AIFM3: variants seen among roughly 807,000 people sequenced by gnomAD.
The protein encoded by AIFM3 is AIF family member 3.
Under a neutral mutation model 82.7 loss-of-function variants are expected in AIFM3, and 71 were observed. The observed-to-expected ratio is 0.86, with a 90% CI of 0.71 to 1.05. AIFM3 has a LOEUF of 1.05. AIFM3 is among the 50% of genes least tolerant of loss of function. The probability of loss-of-function intolerance (pLI) is 0.00; values close to 1 mark genes in which losing one functional copy is unlikely to be tolerated. For synonymous variants in AIFM3, 337 were observed against 329.1 expected, an observed-to-expected ratio of 1.02 and a Z score of -0.26; for missense variants, 748 against 816.7, an observed-to-expected ratio of 0.92 and a Z score of 1.03.
intron 2 of AIFM3, 61 bp downstream of exon 2, chr22:20,968,036 C>G: frequency 7.3e-7 from 1 of 1,362,410 alleles, no homozygotes; most frequent in Non-Finnish European, 9.6e-7. Context: ...CCTCCCCCGT[C>G]TCCCCCCCCT....
Position 20,974,729 on chromosome 22 carries a change from G to T in AIFM3, c.633G>T (p.Glu211Asp). ...GAGAAGLVCA[E>D]TLRQEGFSDR... ...GTGCAGCTGGCCTGGTGTGTGCAGAGACACTGCGGCAGGAGGGCTTCTCCG... is the reference window on the plus strand; with the variant it reads ...GTGCAGCTGGCCTGGTGTGTGCAGATACACTGCGGCAGGAGGGCTTCTCCG... The change falls in exon 8 of 21, where the codon GAG becomes GAT. Residue 211 changes from glutamate (E) to aspartate (D), a missense_variant. Glu to Asp is a conservative substitution (Grantham distance 45). Coordinates refer to ENST00000440238, the MANE Select transcript of AIFM3 (RefSeq NM_001386814.1). 6.2e-7 allele frequency: 1 copy of T among 1,614,070 alleles called. No homozygotes were observed. Among genetic ancestry groups the T allele is most frequent in the Non-Finnish European group, 8.5e-7 (1 of 1,180,000 alleles).
chr22:20,974,877 A>G (rs1340396790), intron 8 of AIFM3, 61 bp downstream of exon 8: 1 of 1,562,262 alleles, frequency 6.4e-7, no homozygotes. Flanking sequence ...GCCCACTTCA[A>G]GCCTTGCTTG....
intron 2 of AIFM3, among the ~76,000 whole-genome samples, chr22:20,973,004 A>G (rs970717296): frequency 2.0e-5 from 3 of 151,722 alleles, no homozygotes; most frequent in Non-Finnish European, 4.4e-5. Flanking sequence ...CCGAGATTGC[A>G]TGACTGCACT....
rs575088788 is a variant in AIFM3, at chr22:20,968,552, A to C, written c.31+577A>C. ...CATTTATACAGGAAATCACCATCCAACCTAGCCTGAGCTACTCCAGCCAGA... is the reference window on the plus strand; with the variant it reads ...CATTTATACAGGAAATCACCATCCACCCTAGCCTGAGCTACTCCAGCCAGA... On this transcript the variant is annotated intron_variant, in intron 2 of 20. Transcript: ENST00000440238. 2.6e-5 allele frequency among the ~76,000 whole-genome samples: 4 copies of C among 151,908 alleles called. No homozygotes were observed. In the East Asian group the frequency reaches 7.8e-4, roughly 29 times the overall value.
upstream of AIFM3, chr22:20,967,119 G>A (rs1922934545): frequency 6.6e-6 from 1 of 152,306 alleles, no homozygotes; most frequent in South Asian, 2.1e-4. Flanking sequence ...TTTCCCTGGG[G>A]ACCAGTGGAC....
In AIFM3 at chr22:20,976,898, T is replaced by G. The variant is rs145883640; in HGVS notation, c.1178T>G (p.Met393Arg). The G allele has an allele frequency of 3.6e-4, 581 of 1,607,734 alleles. 1 individual carries two copies. The highest frequency in any genetic ancestry group is 4.7e-4 in the Non-Finnish European group (555 of 1,175,822). The change falls in exon 13 of 21, where the codon ATG (methionine) becomes AGG (arginine). Residue 393 changes from methionine (M) to arginine (R), a missense_variant. Coordinates refer to ENST00000440238, the MANE Select transcript of AIFM3 (RefSeq NM_001386814.1). ...MFENNRVKFY[M>R]QTEVSELRGQ... Reference sequence around the variant, plus strand: ...GAGAACAACCGGGTGAAGTTCTACATGCAGACGGAGGTGTCTGAGCTGCGG... The same window carrying G: ...GAGAACAACCGGGTGAAGTTCTACAGGCAGACGGAGGTGTCTGAGCTGCGG...
At chr22:20,974,840 G>T (rs1923533011) in intron 8 of AIFM3, 24 bp downstream of exon 8, 1 of 1,608,658 alleles carries the variant, frequency 6.2e-7, no homozygotes, top group African/African-American at 1.3e-5. Context: ...GGCAAGTAGG[G>T]ACCCTATCCC....
chr22:20,976,807 C>A (rs777938488), intron 12 of AIFM3, 41 bp downstream of exon 12: 9 of 1,594,960 alleles, frequency 5.6e-6, no homozygotes, highest in Admixed American at 3.5e-5. Context: ...AGCCCTGGGG[C>A]CCAGCCCGGC....
chr22:20,975,743 C>T lies in AIFM3; in HGVS notation c.772C>T (p.Arg258Ter), dbSNP rs148304997. The T allele has an allele frequency of 7.5e-5, 121 of 1,613,412 alleles. No homozygotes were observed. Among genetic ancestry groups the T allele is most frequent in the Non-Finnish European group, 9.6e-5 (113 of 1,180,004 alleles). Residue 258 changes from arginine (R) to a stop codon, truncating the protein, a stop_gained, in exon 9 of 21, where the codon CGA (arginine) becomes TGA (stop). Transcript: ENST00000440238. LOFTEE classifies it high-confidence loss of function. ...GGCCCTGAGGCCCAAGGAGTTTTTC[C>T]GAGCCTATGGCATCGAGGTGCTCAC... ...QLALRPKEFF[R>*]AYGIEVLTEA...
At chr22:20,979,729 G>A in intron 18 of AIFM3, 27 bp downstream of exon 18, 1 of 1,613,656 alleles carries the variant, frequency 6.2e-7, no homozygotes, top group Non-Finnish European at 8.5e-7. Flanking sequence ...GCAGCTTGGC[G>A]CGAAGCAGCG....
At position 20,981,078 on chromosome 22, in the gene AIFM3, C is replaced by T. The variant is rs2147954205; in HGVS notation, c.*47C>T. On this transcript the variant is annotated 3_prime_UTR_variant, in exon 21 of 21. Coordinates refer to ENST00000440238, the MANE Select transcript of AIFM3 (RefSeq NM_001386814.1). Reference sequence around the variant, plus strand: ...GCAGGCAAAGGGGGCACCAAGGGCACAGGCCAAGCCTTGGGGGCAGGTGCC... The same window carrying T: ...GCAGGCAAAGGGGGCACCAAGGGCATAGGCCAAGCCTTGGGGGCAGGTGCC... 1 of 1,612,204 alleles carries T rather than the reference C, an allele frequency of 6.2e-7. No individual in the cohort carries two copies. Among genetic ancestry groups the T allele is most frequent in the Non-Finnish European group, 8.5e-7 (1 of 1,178,932 alleles).
chr22:20,974,067 T>A lies in AIFM3; in HGVS notation c.360T>A (p.Val120=). Residue 120 remains valine (V), a synonymous_variant, in exon 5 of 21, where the codon GTT becomes GTA. Transcript: ENST00000440238. ...CCTAACACCTCCCCTTCCCAGGCGTTCTGTCCCGTGGTCGGGTGCGCTGCC... is the reference window on the plus strand; with the variant it reads ...CCTAACACCTCCCCTTCCCAGGCGTACTGTCCCGTGGTCGGGTGCGCTGCC... ...PHYGAPLVKG[V]LSRGRVRCPW... is the part of the protein sequence containing the mutation. 1 of 1,607,498 alleles carries A rather than the reference T, an allele frequency of 6.2e-7. No individual in the cohort carries two copies. Among genetic ancestry groups the A allele is most frequent in the Non-Finnish European group, 8.5e-7 (1 of 1,178,626 alleles).
In AIFM3 at chr22:20,967,873, G is replaced by T. The variant is rs763288838; in HGVS notation, c.-72G>T. On this transcript the variant is annotated 5_prime_UTR_variant, in exon 2 of 21. It removes an upstream start codon present in the reference 5' UTR. Transcript: ENST00000440238. ...AGGCCTGCAGGGGGTCCAGCCCCATGGGGGGCGCCCTAGGCCTCCGACAGC... is the reference window on the plus strand; with the variant it reads ...AGGCCTGCAGGGGGTCCAGCCCCATTGGGGGCGCCCTAGGCCTCCGACAGC... The T allele has an allele frequency of 1.3e-6, 2 of 1,569,828 alleles. No homozygotes were observed. Among genetic ancestry groups the T allele is most frequent in the East Asian group, 2.2e-5 (1 of 44,626 alleles).
rs749009581 is a variant in AIFM3 at position 20,974,103 on chromosome 22, C to G, written c.396C>G (p.Gly132=). ...SRGRVRCPWH[G]ACFNISTGDL... ...GTCGGGTGCGCTGCCCCTGGCACGGCGCCTGCTTCAACATCAGCACTGGGG... is the reference window on the plus strand; with the variant it reads ...GTCGGGTGCGCTGCCCCTGGCACGGGGCCTGCTTCAACATCAGCACTGGGG... The change falls in exon 5 of 21, where the codon GGC becomes GGG. Residue 132 remains glycine, a synonymous_variant. Transcript: ENST00000440238. 2 of 1,612,626 alleles carry G rather than the reference C, an allele frequency of 1.2e-6. No homozygotes were observed. Among genetic ancestry groups the G allele is most frequent in the South Asian group, 2.2e-5 (2 of 90,934 alleles).
chr22:20,978,247 C>T (rs532214016), intron 16 of AIFM3, among the ~76,000 whole-genome samples: 78 of 145,386 alleles, frequency 5.4e-4, no homozygotes, highest in African/African-American at 1.7e-3. Context: ...CCTTTTTTGT[C>T]TTCAAGGACA....
In AIFM3 at chr22:20,971,868, G is replaced by A. The variant is rs367841386; in HGVS notation, c.32-1439G>A. Among the ~76,000 whole-genome samples, 3 of 152,122 alleles carry A rather than the reference G, an allele frequency of 2.0e-5. No individual in the cohort carries two copies. The South Asian group carries it at 6.2e-4, about 32-fold the overall frequency. ...GCACATCACAGGGAATTTGGAAAATGTGCAAAAGTATAAAGAAGAAAATGG... is the reference window on the plus strand; with the variant it reads ...GCACATCACAGGGAATTTGGAAAATATGCAAAAGTATAAAGAAGAAAATGG... On this transcript the variant is annotated intron_variant, in intron 2 of 20. Coordinates refer to ENST00000440238, the MANE Select transcript of AIFM3 (RefSeq NM_001386814.1).
intron 20 of AIFM3, 21 bp downstream of exon 20, chr22:20,980,788 G>T (rs1924056517): frequency 6.2e-7 from 1 of 1,614,122 alleles, no homozygotes; most frequent in African/African-American, 1.3e-5. Context: ...CCTTCATGTT[G>T]ACCGTTCTGA....
At chr22:20,973,218 C>G in intron 2 of AIFM3, 89 bp from the exon 3 acceptor site, 3 of 1,461,118 alleles carry the variant, frequency 2.1e-6, no homozygotes, top group Non-Finnish European at 2.8e-6. Flanking sequence ...CCTCCTGGCA[C>G]CCCGAGGAGC....
At chr22:20,980,384 G>A (rs1924017484) in intron 19 of AIFM3, 3 of 596,584 alleles carry the variant, frequency 5.0e-6, no homozygotes, top group East Asian at 5.6e-5. Flanking sequence ...AGGGGTCAGG[G>A]CCCAATGCAT....
Sources: allele counts gnomAD v4.1 joint callset (sites outside exome capture counted in the v4.1 genomes callset), GRCh38; gene constraint gnomAD v4.1.1; transcripts MANE v1.5; gene names NCBI Gene and HGNC (gene_info 2026-07-23, HGNC 2026-07-21).